Variants in DNAJC3 observed in about 807,000 individuals in gnomAD.
The protein encoded by DNAJC3 is DnaJ heat shock protein family (Hsp40) member C3, also known as dnaJ homolog subfamily C member 3.
Under a neutral mutation model 68.6 loss-of-function variants are expected in DNAJC3, and 38 were observed. The observed-to-expected ratio is 0.55, with a 90% CI of 0.43 to 0.73. The LOEUF is 0.73. DNAJC3 is among the 30% of genes least tolerant of loss of function. The pLI is 0.00. For synonymous variants in DNAJC3, 203 were observed against 204.0 expected (o/e 1.00, Z 0.04); for missense variants, 526 against 591.9 (o/e 0.89, Z 1.16).
Position 95,792,056 on chromosome 13 carries a change from C to CAAATTT in DNAJC3, c.*1026_*1027insAAATTT. On this transcript the variant is annotated 3_prime_UTR_variant, in exon 12 of 12. Transcript: ENST00000602402. ...GTGGTGCCTCCCACGTGGGACCTGTCTGCTGGTATGTGTTAAACAGCAGAC... is the reference window on the plus strand; with the variant it reads ...GTGGTGCCTCCCACGTGGGACCTGTCAAATTTTGCTGGTATGTGTTAAACAGCAGAC... 6.6e-6 allele frequency: 1 copy of CAAATTT among 152,206 alleles called. No individual in the cohort carries two copies. The highest frequency in any genetic ancestry group is 2.1e-4 in the South Asian group (1 of 4,830). 9.4% of individuals were successfully genotyped at this position (152,206 alleles called of 1,614,324 possible). A position where few individuals can be genotyped will look rare whatever the true frequency, so the allele number is the denominator to read the frequency against.
chr13:95,736,632 G>T (rs1421243064), intron 4 of DNAJC3, among the ~76,000 whole-genome samples: 4 of 151,804 alleles, frequency 2.6e-5, no homozygotes, highest in Admixed American at 6.6e-5. Context: ...GTCTGTTGTT[G>T]GTGTATAAGA....
rs557382888 is a variant in DNAJC3, at chr13:95,683,820, G to C, written c.82+6483G>C. ...GTGGAGGTGGGCGCCTGAAATCCCA[G>C]CTACTTGGGAGGCTGAGGCAGAGAA... is the stretch of plus-strand genomic sequence containing the variant. On this transcript the variant is annotated intron_variant, in intron 1 of 11. Transcript: ENST00000602402. Among the ~76,000 whole-genome samples the C allele has an allele frequency of 2.2e-3, 332 of 150,838 alleles. 5 individuals carry two copies. Among genetic ancestry groups the C allele is most frequent in the Middle Eastern group, 0.01 (3 of 294 alleles).
chr13:95,762,472 A>G (rs1882856123), intron 7 of DNAJC3, among the ~76,000 whole-genome samples: 1 of 152,116 alleles, frequency 6.6e-6, no homozygotes, highest in Non-Finnish European at 1.5e-5. Context: ...CTGAGTCACT[A>G]GCTAGTCTGT....
In DNAJC3 at chr13:95,791,954, T is replaced by TTC. The variant is rs904575205; in HGVS notation, c.*927_*928dup. ...ACATAAATAAATACAGAATGCCATGTTCTCCACTTCTAAGTAAAGACAGTG... is the reference window on the plus strand; with the variant it reads ...ACATAAATAAATACAGAATGCCATGTTCTCTCCACTTCTAAGTAAAGACAGTG... On this transcript the variant is annotated 3_prime_UTR_variant, in exon 12 of 12. Transcript: ENST00000602402. The TTC allele has an allele frequency of 1.3e-5, 2 of 152,234 alleles. No homozygotes were observed. Among genetic ancestry groups the TTC allele is most frequent in the Middle Eastern group, 3.2e-3 (1 of 316 alleles). 9.4% of individuals were successfully genotyped at this position (152,234 alleles called of 1,614,324 possible). A position where few individuals can be genotyped will look rare whatever the true frequency, so the allele number is the denominator to read the frequency against.
rs573339190 is a variant in DNAJC3, at chr13:95,792,086, C to A, written c.*1056C>A. The A allele has an allele frequency of 1.3e-5, 2 of 152,250 alleles. No homozygotes were observed. The highest frequency in any genetic ancestry group is 4.2e-4 in the South Asian group (2 of 4,818). 9.4% of individuals were successfully genotyped at this position (152,250 alleles called of 1,614,324 possible). Reference sequence around the variant, plus strand: ...GGTATGTGTTAAACAGCAGACCGGCCCTTCTACCAGATCTTGATGCCTCTG... The same window carrying A: ...GGTATGTGTTAAACAGCAGACCGGCACTTCTACCAGATCTTGATGCCTCTG... On this transcript the variant is annotated 3_prime_UTR_variant, in exon 12 of 12. Coordinates refer to ENST00000602402, the MANE Select transcript of DNAJC3 (RefSeq NM_006260.5).
chr13:95,708,018 C>T (rs182664145), intron 1 of DNAJC3, among the ~76,000 whole-genome samples: 1 of 152,186 alleles, frequency 6.6e-6, no homozygotes, highest in African/African-American at 2.4e-5. Context: ...GCTGAGGTTG[C>T]CAGATCACTG....
Position 95,681,092 on chromosome 13 carries a change from G to A in DNAJC3, c.82+3755G>A, listed in dbSNP as rs189409487. Among the ~76,000 whole-genome samples, 336 of 152,232 alleles carry A rather than the reference G, an allele frequency of 2.2e-3. 3 individuals are homozygous for A. The highest frequency in any genetic ancestry group is 3.4e-3 in the Non-Finnish European group (233 of 68,006). On this transcript the variant is annotated intron_variant, in intron 1 of 11. Coordinates refer to ENST00000602402, the MANE Select transcript of DNAJC3 (RefSeq NM_006260.5). ...CTTTTGAGTTTACAGACCACTTAGG[G>A]TTTAAGACATGCATTTGTGAAGCAT...
chr13:95,702,030 C>T (rs1880598456), intron 1 of DNAJC3, among the ~76,000 whole-genome samples: 1 of 152,108 alleles, frequency 6.6e-6, no homozygotes, highest in Non-Finnish European at 1.5e-5. Flanking sequence ...ACCATTAATC[C>T]TTTAAAAAAA....
At chr13:95,788,877 C>T (rs1449949186) in intron 11 of DNAJC3, among the ~76,000 whole-genome samples, 2 of 152,118 alleles carry the variant, frequency 1.3e-5, no homozygotes, top group Non-Finnish European at 2.9e-5. Flanking sequence ...TTTTATAAAA[C>T]AAAGCTGAGT....
chr13:95,685,798 T>C (rs77686969), intron 1 of DNAJC3, among the ~76,000 whole-genome samples: 2 of 151,968 alleles, frequency 1.3e-5, no homozygotes, highest in Non-Finnish European at 2.9e-5. Context: ...AACATCTATT[T>C]TTTTTTAAGC....
chr13:95,703,704 T>C (rs1207372975), intron 1 of DNAJC3, among the ~76,000 whole-genome samples: 2 of 152,202 alleles, frequency 1.3e-5, no homozygotes, highest in Non-Finnish European at 2.9e-5. Context: ...AGAGAAAATA[T>C]GCAAAGCTAC....
At chr13:95,786,531 G>A (rs1454044084) in intron 10 of DNAJC3, among the ~76,000 whole-genome samples, 3 of 152,332 alleles carry the variant, frequency 2.0e-5, no homozygotes, top group African/African-American at 7.2e-5. Context: ...GCCTGTGGGT[G>A]AATTCTGAAA....
chr13:95,736,351 C>T (rs1881918130), intron 4 of DNAJC3, among the ~76,000 whole-genome samples: 1 of 150,412 alleles, frequency 6.6e-6, no homozygotes, highest in African/African-American at 2.4e-5. Flanking sequence ...TTTTCCAATT[C>T]TGTGAAGAAA....
intron 4 of DNAJC3, among the ~76,000 whole-genome samples, chr13:95,730,587 G>A (rs1373184530): frequency 6.6e-6 from 1 of 152,110 alleles, no homozygotes; most frequent in Non-Finnish European, 1.5e-5. Flanking sequence ...CCCAATGTAT[G>A]TTCTCGGCCC....
At chr13:95,699,039 G>A (rs936046854) in intron 1 of DNAJC3, among the ~76,000 whole-genome samples, 2 of 152,318 alleles carry the variant, frequency 1.3e-5, no homozygotes, top group East Asian at 3.9e-4. Context: ...TTGAAGGAAG[G>A]TAAGATGAGA....
intron 2 of DNAJC3, among the ~76,000 whole-genome samples, chr13:95,717,541 G>A (rs1031565378): frequency 3.3e-5 from 5 of 152,250 alleles, no homozygotes; most frequent in South Asian, 4.1e-4. Flanking sequence ...AACATTTTCC[G>A]TATCTAGATG....
rs777912878 is a variant in DNAJC3, at chr13:95,723,378, T to C, written c.318+12T>C. ...TGGACTTCACTGCAGTAAGTATATCTCAACTTTCTTTAAAGGGGAACTTAA... is the reference window on the plus strand; with the variant it reads ...TGGACTTCACTGCAGTAAGTATATCCCAACTTTCTTTAAAGGGGAACTTAA... On this transcript the variant is annotated intron_variant, in intron 3 of 11. Coordinates refer to ENST00000602402, the MANE Select transcript of DNAJC3 (RefSeq NM_006260.5). 1.2e-6 allele frequency: 2 copies of C among 1,602,826 alleles called. No homozygotes were observed. Among genetic ancestry groups the C allele is most frequent in the Admixed American group, 1.7e-5 (1 of 58,276 alleles).
intron 7 of DNAJC3, among the ~76,000 whole-genome samples, chr13:95,761,071 G>T (rs73554937): frequency 0.015 from 2,279 of 152,256 alleles, 61 homozygotes; most frequent in African/African-American, 0.052. Context: ...TGTACTGAGG[G>T]TGCAGACTTA....
At chr13:95,681,593 A>G (rs1566463525) in intron 1 of DNAJC3, among the ~76,000 whole-genome samples, 2 of 152,166 alleles carry the variant, frequency 1.3e-5, no homozygotes, top group South Asian at 2.1e-4. Context: ...GGCTCAAGCA[A>G]TCCTCATCCC....
Sources: allele counts gnomAD v4.1 joint callset (sites outside exome capture counted in the v4.1 genomes callset), GRCh38; gene constraint gnomAD v4.1.1; transcripts MANE v1.5; gene names NCBI Gene and HGNC (gene_info 2026-07-23, HGNC 2026-07-21).